CACNA1S: variants seen among roughly 807,000 people sequenced by gnomAD.
CACNA1S encodes the protein calcium voltage-gated channel subunit alpha1 S.
Under a neutral mutation model 207.4 loss-of-function variants are expected in CACNA1S, and 126 were observed. That is an observed-to-expected ratio of 0.61 (90% CI 0.53 to 0.70). The LOEUF (loss-of-function observed/expected upper bound fraction) is 0.70. Ranked by LOEUF, CACNA1S falls within the 30% of genes least tolerant of loss-of-function variation. The pLI is 0.00. For synonymous variants in CACNA1S, 960 were observed against 932.7 expected (o/e 1.03, Z -0.53); for missense variants, 2,349 against 2,422.8 (o/e 0.97, Z 0.64).
At chr1:201,062,647 C>T (rs1452539826) in intron 22 of CACNA1S, 133 bp from the exon 23 acceptor site, 2 of 784,890 alleles carry the variant, frequency 2.5e-6, no homozygotes, top group South Asian at 1.5e-5. Flanking sequence ...CCAAGCCCAT[C>T]TCTTCCTCTC....
At chr1:201,090,203 G>A (rs569310872) in intron 5 of CACNA1S, among the ~76,000 whole-genome samples, 47 of 152,284 alleles carry the variant, frequency 3.1e-4, no homozygotes, top group African/African-American at 9.4e-4. Flanking sequence ...GTCTGTAGGG[G>A]CCCTGACCCC....
intron 2 of CACNA1S, among the ~76,000 whole-genome samples, chr1:201,094,222 T>C (rs944757270): frequency 6.6e-5 from 10 of 151,868 alleles, no homozygotes; most frequent in African/African-American, 2.4e-4. Flanking sequence ...TCCACAGGTC[T>C]TTACTCCAAA....
intron 26 of CACNA1S, among the ~76,000 whole-genome samples, chr1:201,060,304 G>A (rs955825636): frequency 3.3e-5 from 5 of 152,012 alleles, no homozygotes; most frequent in Admixed American, 6.6e-5. Context: ...CATTTTTCTT[G>A]GGACCAGAGC....
intron 36 of CACNA1S, among the ~76,000 whole-genome samples, chr1:201,047,892 C>T (rs1156599260): frequency 6.6e-6 from 1 of 152,228 alleles, no homozygotes; most frequent in Non-Finnish European, 1.5e-5. Context: ...GCTGTCATCT[C>T]CTGCTCTTCT....
rs1225574206 is a variant in CACNA1S, at chr1:201,112,346, C to G, written c.-7G>C. 3 of 1,613,436 alleles carry G rather than the reference C, an allele frequency of 1.9e-6. No individual in the cohort carries two copies. In the African/African-American group the frequency reaches 4.0e-5, roughly 22 times the overall value. The stretch of plus-strand genomic sequence containing the variant: ...GGGGTGAGGATGGCTCCATGGCTTC[C>G]CTGGGAATCTGGCTTTCTCCTGCTC... On this transcript the variant is annotated 5_prime_UTR_variant, in exon 1 of 44. Transcript: ENST00000362061.
At chr1:201,049,430 G>C (rs1206765554) in intron 34 of CACNA1S, among the ~76,000 whole-genome samples, 46 of 152,188 alleles carry the variant, frequency 3.0e-4, no homozygotes, top group Admixed American at 3.0e-3. Flanking sequence ...GGGCCCTTGG[G>C]CTATATTAAT....
At chr1:201,067,525 G>A (rs1661290632) in intron 19 of CACNA1S, among the ~76,000 whole-genome samples, 1 of 152,102 alleles carries the variant, frequency 6.6e-6, no homozygotes, top group East Asian at 1.9e-4. Flanking sequence ...AATGCATTTT[G>A]CCCTTAAAAT....
intron 2 of CACNA1S, among the ~76,000 whole-genome samples, chr1:201,094,735 C>T (rs915669087): frequency 2.0e-5 from 3 of 152,156 alleles, no homozygotes; most frequent in Non-Finnish European, 2.9e-5. Flanking sequence ...GACACTATTA[C>T]GCAGGGTGAG....
chr1:201,043,196 G>A (rs915288784), intron 40 of CACNA1S, 85 bp downstream of exon 40: 1 of 1,577,830 alleles, frequency 6.3e-7, no homozygotes, highest in South Asian at 1.1e-5. Context: ...CAAATTTGGG[G>A]TACCCTCTTC....
rs760398733 is a variant in CACNA1S, at chr1:201,087,921, A to G, written c.909T>C (p.Asp303=). The change falls in exon 7 of 44, where the codon GAT becomes GAC. Residue 303 remains aspartate (D), a synonymous_variant. Coordinates refer to ENST00000362061, the MANE Select transcript of CACNA1S (RefSeq NM_000069.3). Reference sequence around the variant, plus strand: ...TCCAGGGCCACTCATTCCCGATGGCATCATTGACCTGGTCAGGACAGAAGT... The same window carrying G: ...TCCAGGGCCACTCATTCCCGATGGCGTCATTGACCTGGTCAGGACAGAAGT... ...GWTDVLYWVN[D]AIGNEWPWIY... 2.3e-5 allele frequency: 37 copies of G among 1,609,470 alleles called. No homozygotes were observed. Among genetic ancestry groups the G allele is most frequent in the Non-Finnish European group, 3.1e-5 (36 of 1,176,176 alleles).
chr1:201,107,487 G>T (rs769921254), intron 2 of CACNA1S, among the ~76,000 whole-genome samples: 1 of 152,196 alleles, frequency 6.6e-6, no homozygotes, highest in African/African-American at 2.4e-5. Context: ...TGTGAAGATG[G>T]GAAATGTGTC....
chr1:201,045,524 C>A (rs777230264), intron 38 of CACNA1S, among the ~76,000 whole-genome samples: 1 of 152,056 alleles, frequency 6.6e-6, no homozygotes, highest in Non-Finnish European at 1.5e-5. Context: ...CACTTGAGGT[C>A]AGGAGTTTGA....
intron 12 of CACNA1S, 109 bp from the exon 13 acceptor site, chr1:201,075,724 T>G: frequency 1.6e-6 from 2 of 1,232,812 alleles, no homozygotes; most frequent in South Asian, 2.7e-5. Context: ...CTCTCAGACC[T>G]TCCCTCTTTT....
At chr1:201,093,754 C>A in intron 3 of CACNA1S, 128 bp downstream of exon 3, 31 of 1,175,436 alleles carry the variant, frequency 2.6e-5, no homozygotes, top group Non-Finnish European at 3.8e-5. Context: ...CTAACAGAGG[C>A]TGCTCCATGC....
In CACNA1S at chr1:201,110,267, G is replaced by A. The variant is rs1272670603; in HGVS notation, c.155C>T (p.Pro52Leu). The part of the protein sequence containing the change: ...KACISIVEWK[P>L]FETIILLTIF... ...GGTGAGCAAGATGATCGTCTCGAAG[G>A]GCCTGGAGCCAGGGTTAAGGAGAGC... The change falls in exon 2 of 44, where the codon CCC becomes CTC. Residue 52 changes from proline (P) to leucine (L), a missense_variant and splice_region_variant. By Grantham distance (98) the Pro-to-Leu change is moderately conservative. Coordinates refer to ENST00000362061, the MANE Select transcript of CACNA1S (RefSeq NM_000069.3). The A allele has an allele frequency of 6.2e-7, 1 of 1,614,054 alleles. No individual in the cohort carries two copies. The highest frequency in any genetic ancestry group is 1.3e-5 in the African/African-American group (1 of 74,944).
intron 3 of CACNA1S, among the ~76,000 whole-genome samples, chr1:201,093,670 T>A (rs1294401557): frequency 2.0e-5 from 3 of 152,158 alleles, no homozygotes; most frequent in African/African-American, 7.2e-5. Flanking sequence ...GGAAGGAGAT[T>A]TGACCTGCGG....
intron 10 of CACNA1S, among the ~76,000 whole-genome samples, chr1:201,079,413 CT>C (rs1432499938): frequency 1.3e-5 from 2 of 152,142 alleles, no homozygotes; most frequent in Non-Finnish European, 2.9e-5. Flanking sequence ...CATTCTCTTG[CT>C]TTTTCAAGCA....
chr1:201,050,354 G>A, intron 34 of CACNA1S, 35 bp downstream of exon 34: 1 of 1,613,052 alleles, frequency 6.2e-7, no homozygotes, highest in Non-Finnish European at 8.5e-7. Flanking sequence ...GTCTAGGATG[G>A]AGGGCCCAGC....
In CACNA1S at chr1:201,083,326, A is replaced by T. The variant is rs756624763; in HGVS notation, c.1233-4T>A. The T allele has an allele frequency of 1.2e-6, 2 of 1,614,098 alleles. No individual in the cohort carries two copies. The highest frequency in any genetic ancestry group is 8.5e-7 in the Non-Finnish European group (1 of 1,179,946). ...GTTCCACTGCCTCCAATGTCGGCTG[A>T]GGGAGGGGACAGAGGATGGTCTACA... is the stretch of plus-strand genomic sequence containing the variant. On this transcript the variant is annotated splice_region_variant and splice_polypyrimidine_tract_variant and intron_variant, in intron 9 of 43. Transcript: ENST00000362061.
Sources: allele counts gnomAD v4.1 joint callset (sites outside exome capture counted in the v4.1 genomes callset), GRCh38; gene constraint gnomAD v4.1.1; transcripts MANE v1.5; gene names NCBI Gene and HGNC (gene_info 2026-07-23, HGNC 2026-07-21).